The following MYO16 variants were observed in gnomAD, a reference collection of about 807,000 sequenced individuals.
MYO16 encodes unconventional myosin-XVI.
A neutral mutation model predicts 205.3 loss-of-function variants in MYO16; 94 were observed. The ratio of observed to expected loss-of-function variants is 0.46; its 90% CI spans 0.39 to 0.54. The LOEUF is 0.54. Among genes scored for constraint, MYO16 ranks in the 20% least tolerant of loss-of-function variants. MYO16 has a pLI of 0.00. For synonymous variants in MYO16, 988 were observed against 954.0 expected (o/e 1.04, Z -0.66); for missense variants, 2,315 against 2,387.5 (o/e 0.97, Z 0.63).
chr13:108,965,201 T>C (rs1239973220), intron 20 of MYO16, among the ~76,000 whole-genome samples: 1 of 152,112 alleles, frequency 6.6e-6, no homozygotes, highest in East Asian at 1.9e-4. Flanking sequence ...CACCAATAAA[T>C]CTAAAAATTT....
At chr13:108,608,343 T>C (rs1489219735) in intron 1 of MYO16, among the ~76,000 whole-genome samples, 1 of 152,170 alleles carries the variant, frequency 6.6e-6, no homozygotes, top group Non-Finnish European at 1.5e-5. Context: ...TTTGCCATTA[T>C]ATACGAGTGA....
intron 27 of MYO16, among the ~76,000 whole-genome samples, chr13:109,091,405 A>G (rs1052129147): frequency 6.6e-6 from 1 of 152,246 alleles, no homozygotes; most frequent in African/African-American, 2.4e-5. Context: ...TGAAAAACAA[A>G]AAGCACTCAT....
intron 32 of MYO16, among the ~76,000 whole-genome samples, chr13:109,149,319 G>T (rs1256723013): frequency 6.6e-6 from 1 of 152,164 alleles, no homozygotes; most frequent in Admixed American, 6.5e-5. Context: ...CAAGCACATT[G>T]ACGTCTCCTT....
At chr13:108,775,022 C>G (rs7988053) in intron 4 of MYO16, among the ~76,000 whole-genome samples, 24,204 of 152,028 alleles carry the variant, frequency 0.16, 2,038 homozygotes, top group Middle Eastern at 0.24. Context: ...TAAGTTTAGG[C>G]TTGGATATTT....
At chr13:108,711,765 T>C (rs1373594236) in intron 2 of MYO16, among the ~76,000 whole-genome samples, 2 of 152,256 alleles carry the variant, frequency 1.3e-5, no homozygotes, top group African/African-American at 4.8e-5. Flanking sequence ...GAAGACAGTA[T>C]GCCTCAGTGA....
At chr13:108,560,192 C>A in the MYO16 span, among the ~76,000 whole-genome samples, 2 of 152,138 alleles carry the variant, frequency 1.3e-5, no homozygotes, top group East Asian at 3.9e-4. Flanking sequence ...TGAAAGAACT[C>A]CTATCTATGA....
At position 108,741,044 on chromosome 13, in the gene MYO16, T is replaced by C. The variant is rs529013182; in HGVS notation, c.507+13461T>C. 2.9e-3 allele frequency among the ~76,000 whole-genome samples: 439 copies of C among 152,244 alleles called. 4 individuals are homozygous for C. The highest frequency in any genetic ancestry group is 4.6e-3 in the Non-Finnish European group (316 of 68,022). On this transcript the variant is annotated intron_variant, in intron 4 of 34. Coordinates refer to ENST00000457511, the MANE Select transcript of MYO16 (RefSeq NM_001198950.3). ...AGGTGCTGTCTGTCATGGCTTCCCT[T>C]GGCTAGGAAAGGGAATTCCCTGACC...
chr13:108,691,323 T>G (rs1295729861), intron 2 of MYO16, among the ~76,000 whole-genome samples: 1 of 152,116 alleles, frequency 6.6e-6, no homozygotes, highest in Non-Finnish European at 1.5e-5. Context: ...AGATTGTATT[T>G]TAAATAACGG....
At chr13:108,971,331 A>C (rs1883999051) in intron 20 of MYO16, among the ~76,000 whole-genome samples, 1 of 128,034 alleles carries the variant, frequency 7.8e-6, no homozygotes, top group Non-Finnish European at 1.6e-5. Flanking sequence ...TCTGAATAAA[A>C]TGGTGTGTGT....
intron 34 of MYO16, among the ~76,000 whole-genome samples, chr13:109,197,269 C>T (rs1169685566): frequency 6.6e-6 from 1 of 152,198 alleles, no homozygotes; most frequent in East Asian, 1.9e-4. Context: ...AAAAACCCTT[C>T]GCTGAATCTG....
chr13:108,766,764 T>C (rs1203987466), intron 4 of MYO16, among the ~76,000 whole-genome samples: 1 of 152,232 alleles, frequency 6.6e-6, no homozygotes, highest in Non-Finnish European at 1.5e-5. Flanking sequence ...GGTTTGCTTG[T>C]CTTTTTATGA....
At chr13:108,679,133 C>A (rs1882351957) in intron 2 of MYO16, among the ~76,000 whole-genome samples, 1 of 152,162 alleles carries the variant, frequency 6.6e-6, no homozygotes, top group African/African-American at 2.4e-5. Context: ...AGAATATTTT[C>A]TTTAAATACC....
the MYO16 span, among the ~76,000 whole-genome samples, chr13:108,529,449 G>T: frequency 1.3e-5 from 2 of 152,080 alleles, no homozygotes; most frequent in Non-Finnish European, 2.9e-5. Context: ...AAAGCACACA[G>T]GTCTTCCAGT....
chr13:108,804,064 G>T (rs527964823), intron 6 of MYO16, among the ~76,000 whole-genome samples: 3 of 152,174 alleles, frequency 2.0e-5, no homozygotes, highest in African/African-American at 7.2e-5. Context: ...AGTGCTGGAG[G>T]CTGCAGAGCG....
chr13:108,881,701 T>G (rs1167384187), intron 12 of MYO16, among the ~76,000 whole-genome samples: 1 of 152,052 alleles, frequency 6.6e-6, no homozygotes, highest in Non-Finnish European at 1.5e-5. Context: ...TATCAGTGAT[T>G]GAAGATCAAA....
At chr13:109,048,031 G>T (rs1887102842) in intron 24 of MYO16, among the ~76,000 whole-genome samples, 1 of 151,894 alleles carries the variant, frequency 6.6e-6, no homozygotes, top group Non-Finnish European at 1.5e-5. Flanking sequence ...CTTCCTTTTA[G>T]TGTGCTATTA....
rs542460096 is a variant in MYO16 at position 108,995,964 on chromosome 13, A to G, written c.2442+3516A>G. The stretch of plus-strand genomic sequence containing the variant: ...CTGGAGAGGATGTGGAGAAATAGGA[A>G]CACTTTTACACTGTTGGTGGGACTG... On this transcript the variant is annotated intron_variant, in intron 21 of 34. Transcript: ENST00000457511. 2.0e-5 allele frequency among the ~76,000 whole-genome samples: 3 copies of G among 152,282 alleles called. No homozygotes were observed. The East Asian group carries it at 5.8e-4, about 29-fold the overall frequency.
intron 4 of MYO16, among the ~76,000 whole-genome samples, chr13:108,785,049 G>A (rs1886416139): frequency 6.6e-6 from 1 of 152,162 alleles, no homozygotes; most frequent in East Asian, 1.9e-4. Context: ...AATACAGTCA[G>A]CCCATTGAGA....
At chr13:108,536,600 C>G in the MYO16 span, among the ~76,000 whole-genome samples, 17 of 152,090 alleles carry the variant, frequency 1.1e-4, no homozygotes, top group Admixed American at 1.1e-3. Context: ...ATTGTTCACT[C>G]ATCACTTAAT....
Sources: gnomAD v4.1 joint callset for allele counts (sites outside exome capture counted in the v4.1 genomes callset) on GRCh38, gnomAD v4.1.1 for gene constraint, MANE v1.5 for transcripts, NCBI Gene and HGNC (gene_info 2026-07-23, HGNC 2026-07-21) for gene names.